RARB: variants seen among roughly 807,000 people sequenced by gnomAD.
RARB encodes retinoic acid receptor beta.
In RARB, 17 loss-of-function variants were observed where a neutral mutation model predicts 51.9. The ratio of observed to expected loss-of-function variants is 0.33; its 90% CI spans 0.22 to 0.49. The LOEUF is 0.49. Among genes scored for constraint, RARB ranks in the 20% least tolerant of loss-of-function variants. The pLI is 0.99. For synonymous variants in RARB, 215 were observed against 195.4 expected, an observed-to-expected ratio of 1.10 and a Z score of -0.84; for missense variants, 369 against 550.8, an observed-to-expected ratio of 0.67 and a Z score of 3.30.
At chr3:25,110,370 T>A (rs1361970123) in intron 3 of RARB, among the ~76,000 whole-genome samples, 1 of 152,216 alleles carries the variant, frequency 6.6e-6, no homozygotes, top group Non-Finnish European at 1.5e-5. Flanking sequence ...TCCGAGGAAC[T>A]TTACAAATGA....
intron 5 of RARB, among the ~76,000 whole-genome samples, chr3:25,290,319 T>TG (rs1292815117): frequency 6.6e-6 from 1 of 152,116 alleles, no homozygotes; most frequent in Non-Finnish European, 1.5e-5. Context: ...AGGCATGAAC[T>TG]GGGGGAAGAC....
At chr3:25,265,674 G>T (rs988415498) in intron 5 of RARB, among the ~76,000 whole-genome samples, 5 of 152,028 alleles carry the variant, frequency 3.3e-5, no homozygotes, top group African/African-American at 9.7e-5. Flanking sequence ...GTTTCTCCTT[G>T]TTGCCCAGAC....
At chr3:24,874,819 C>G (rs1476340003) in intron 2 of RARB, among the ~76,000 whole-genome samples, 1 of 151,588 alleles carries the variant, frequency 6.6e-6, no homozygotes, top group Non-Finnish European at 1.5e-5. Context: ...TTGTCTTGAT[C>G]TTTTTGTATA....
At chr3:25,187,146 C>T (rs1279064562) in intron 5 of RARB, among the ~76,000 whole-genome samples, 1 of 151,984 alleles carries the variant, frequency 6.6e-6, no homozygotes, top group African/African-American at 2.4e-5. Flanking sequence ...GGTCTTATGA[C>T]CTGCAGGAGA....
intron 5 of RARB, among the ~76,000 whole-genome samples, chr3:25,307,893 GTT>G (rs1427223434): frequency 6.6e-6 from 1 of 152,190 alleles, no homozygotes; most frequent in African/African-American, 2.4e-5. Flanking sequence ...ATGTTTATTT[GTT>G]TACATATTAT....
intron 1 of RARB, among the ~76,000 whole-genome samples, chr3:24,836,590 A>T (rs1702348539): frequency 6.6e-6 from 1 of 152,154 alleles, no homozygotes; most frequent in Admixed American, 6.5e-5. Flanking sequence ...GAAGCCCAAG[A>T]CCTTACAGTG....
chr3:25,337,862 G>T (rs988475268), intron 5 of RARB, among the ~76,000 whole-genome samples: 2 of 152,052 alleles, frequency 1.3e-5, no homozygotes, highest in Non-Finnish European at 2.9e-5. Context: ...AGAAGAGTAG[G>T]TGATTTAGAG....
At chr3:25,379,844 C>G (rs1706573432) in intron 5 of RARB, among the ~76,000 whole-genome samples, 1 of 152,044 alleles carries the variant, frequency 6.6e-6, no homozygotes, top group Non-Finnish European at 1.5e-5. Context: ...GTTAATGGTG[C>G]CTCTTTTTCA....
intron 3 of RARB, among the ~76,000 whole-genome samples, chr3:25,501,963 G>A (rs1009888024): frequency 6.6e-6 from 1 of 152,356 alleles, no homozygotes; most frequent in South Asian, 2.1e-4. Context: ...TATAAAAAGA[G>A]TATGTGTACA....
chr3:25,146,920 G>T (rs1253401753), intron 4 of RARB, among the ~76,000 whole-genome samples: 1 of 152,152 alleles, frequency 6.6e-6, no homozygotes, highest in Non-Finnish European at 1.5e-5. Flanking sequence ...CTTTGATCGA[G>T]TGCAGGTAAT....
chr3:24,888,588 A>G (rs951635488), intron 2 of RARB, among the ~76,000 whole-genome samples: 7 of 152,144 alleles, frequency 4.6e-5, no homozygotes, highest in Non-Finnish European at 1.0e-4. Context: ...TTTTTTAAAA[A>G]AAAATCTGTA....
chr3:24,907,239 G>C (rs548363944), intron 2 of RARB, among the ~76,000 whole-genome samples: 10 of 152,314 alleles, frequency 6.6e-5, no homozygotes, highest in South Asian at 2.1e-4. Flanking sequence ...GAATCACTTA[G>C]AGAATTTGTT....
intron 2 of RARB, among the ~76,000 whole-genome samples, chr3:24,896,628 G>A (rs1273364164): frequency 6.6e-6 from 1 of 152,012 alleles, no homozygotes; most frequent in African/African-American, 2.4e-5. Context: ...ATAACATCAT[G>A]GATATGTTAA....
chr3:24,879,782 A>G (rs940994080), intron 2 of RARB, among the ~76,000 whole-genome samples: 1 of 152,170 alleles, frequency 6.6e-6, no homozygotes, highest in Non-Finnish European at 1.5e-5. Flanking sequence ...TTCTCAGTGG[A>G]GAGATTTTTG....
At chr3:25,489,377 A>G (rs369909628) in intron 2 of RARB, among the ~76,000 whole-genome samples, 9 of 152,376 alleles carry the variant, frequency 5.9e-5, no homozygotes, top group African/African-American at 9.6e-5. Flanking sequence ...AGTTTTACCA[A>G]TGAAAATATA....
intron 5 of RARB, among the ~76,000 whole-genome samples, chr3:25,190,264 A>G (rs1312905949): frequency 6.6e-6 from 1 of 152,086 alleles, no homozygotes; most frequent in African/African-American, 2.4e-5. Flanking sequence ...GAGTGTACTC[A>G]CATGTTCCCT....
rs111499625 is a variant in RARB, at chr3:25,294,767, G to A, written c.178+120192G>A. On this transcript the variant is annotated intron_variant, in intron 5 of 11. Coordinates refer to the RARB transcript ENST00000383772. The stretch of plus-strand genomic sequence containing the variant: ...TTGGCAATGTATTCGTGGCCTCCCA[G>A]TCTTTTCTCCTACTGTTTCTGTAAA... Among the ~76,000 whole-genome samples, 198 of 152,262 alleles carry A rather than the reference G, an allele frequency of 1.3e-3. 1 individual carries two copies. The highest frequency in any genetic ancestry group is 4.5e-3 in the African/African-American group (185 of 41,546).
In RARB at chr3:25,290,030, G is replaced by A. The variant is rs1469231664; in HGVS notation, c.178+115455G>A. 2.0e-5 allele frequency among the ~76,000 whole-genome samples: 3 copies of A among 152,078 alleles called. No homozygotes were observed. In the East Asian group the frequency reaches 5.8e-4, roughly 29 times the overall value. On this transcript the variant is annotated intron_variant, in intron 5 of 11. Coordinates refer to the RARB transcript ENST00000383772. The stretch of plus-strand genomic sequence containing the variant: ...AGGGCCTGTGGAAATCCCCCTCTCA[G>A]TCCTTGGGTTGGGGGATTTAAGAGA...
chr3:25,174,616 T>C (rs1700707415), intron 5 of RARB: 3 of 1,344,420 alleles, frequency 2.2e-6, no homozygotes, highest in African/African-American at 1.5e-5. Flanking sequence ...TCTGGGTTGA[T>C]TGGATGAAGG....
Sources: allele counts gnomAD v4.1 joint callset (sites outside exome capture counted in the v4.1 genomes callset), GRCh38; gene constraint gnomAD v4.1.1; transcripts MANE v1.5; gene names NCBI Gene and HGNC (gene_info 2026-07-23, HGNC 2026-07-21).